SUCO: variants seen among roughly 807,000 people sequenced by gnomAD.
SUCO encodes SUN domain containing ossification factor.
Under a neutral mutation model 148.1 loss-of-function variants are expected in SUCO, and 57 were observed. The observed-to-expected ratio is 0.38, with a 90% CI of 0.31 to 0.48. SUCO has a LOEUF of 0.48. Ranked by LOEUF, SUCO falls within the 20% of genes least tolerant of loss-of-function variation. The pLI, the probability that SUCO is intolerant of heterozygous loss-of-function variation, is 0.96. For synonymous variants in SUCO, 470 were observed against 502.7 expected (o/e 0.93, Z 0.87); for missense variants, 1,331 against 1,468.2 (o/e 0.91, Z 1.53).
chr1:172,575,454 G>T, intron 10 of SUCO, 64 bp from the exon 11 acceptor site: 1 of 1,182,840 alleles, frequency 8.5e-7, no homozygotes, highest in African/African-American at 1.6e-5. Context: ...TTGAAAATAT[G>T]ATAGAACCTT....
At position 172,576,828 on chromosome 1, in the gene SUCO, A is replaced by G. The variant is rs151097380; in HGVS notation, c.1264-711A>G. The G allele has an allele frequency of 5.7e-4, 451 of 785,950 alleles. 3 individuals are homozygous for G. The African/African-American group carries it at 8.2e-3, about 14-fold the overall frequency. 48.7% of individuals were successfully genotyped at this position (785,950 alleles called of 1,614,324 possible). ...AAGAAACATTTACTTACAGCTCATGAAAAGCAGAGAAAAATTACTTTCTGA... is the reference window on the plus strand; with the variant it reads ...AAGAAACATTTACTTACAGCTCATGGAAAGCAGAGAAAAATTACTTTCTGA... On this transcript the variant is annotated intron_variant, in intron 11 of 23. Transcript: ENST00000263688.
In SUCO at chr1:172,582,725, CA is replaced by C. The variant is rs1571253548; in HGVS notation, c.1499-2287del. ...CACAATTCTGCTTTCTCTCAAAAGA[CA>C]AAAAAGATACATTAGGCAGTGTTCT... On this transcript the variant is annotated intron_variant, in intron 15 of 23. Coordinates refer to ENST00000263688, the MANE Select transcript of SUCO (RefSeq NM_014283.5). Among the ~76,000 whole-genome samples, 11 of 151,928 alleles carry C rather than the reference CA, an allele frequency of 7.2e-5. No individual in the cohort carries two copies. In the East Asian group the frequency reaches 2.1e-3, roughly 29 times the overall value.
rs144932088 is a variant in SUCO at position 172,549,850 on chromosome 1, A to G, written c.63-1662A>G. Among the ~76,000 whole-genome samples, 632 of 151,706 alleles carry G rather than the reference A, an allele frequency of 4.2e-3. 4 individuals carry two copies. The highest frequency in any genetic ancestry group is 0.018 in the South Asian group (87 of 4,808). On this transcript the variant is annotated intron_variant, in intron 1 of 23. Transcript: ENST00000263688. ...GATCGTAGGTTGCCACAACAAGAAA[A>G]ACTTGTCACCATACATTCAAGTTGA...
In SUCO at chr1:172,553,285, C is replaced by T; in HGVS notation, c.203C>T (p.Ala68Val). Residue 68 changes from alanine (A) to valine (V), a missense_variant, in exon 3 of 24, where the codon GCC (alanine) becomes GTC (valine). Around this residue, in one of 3 missense-constraint regions of SUCO, gnomAD observed 992 missense variants for 1,093.5 expected, o/e 0.91. Coordinates refer to ENST00000263688, the MANE Select transcript of SUCO (RefSeq NM_014283.5). ...GATGAAAGAGAGGGACCTATCAATG[C>T]CGAATCATTGGGAAAATCAGGTTCA... ...KKDEREGPINAESLGKSGSNL... is the reference protein window; with the variant it reads ...KKDEREGPINVESLGKSGSNL... The T allele has an allele frequency of 1.3e-6, 2 of 1,595,762 alleles. No individual in the cohort carries two copies. The highest frequency in any genetic ancestry group is 1.7e-6 in the Non-Finnish European group (2 of 1,168,158).
chr1:172,567,878 T>C (rs554774314), intron 6 of SUCO, among the ~76,000 whole-genome samples: 13 of 152,360 alleles, frequency 8.5e-5, no homozygotes, highest in African/African-American at 3.1e-4. Flanking sequence ...ATAATTTATG[T>C]CAGCATGCCC....
chr1:172,543,421 T>A (rs1652634568), intron 1 of SUCO, among the ~76,000 whole-genome samples: 1 of 152,214 alleles, frequency 6.6e-6, no homozygotes, highest in African/African-American at 2.4e-5. Context: ...TGAAAATATA[T>A]TATTATCAAG....
chr1:172,548,139 A>G (rs1353580734), intron 1 of SUCO, among the ~76,000 whole-genome samples: 1 of 151,972 alleles, frequency 6.6e-6, no homozygotes, highest in Non-Finnish European at 1.5e-5. Flanking sequence ...TTATCAGTCT[A>G]TTATCAGTTT....
Position 172,585,089 on chromosome 1 carries a change from A to G in SUCO, c.1567+3A>G. 1 of 1,598,776 alleles carries G rather than the reference A, an allele frequency of 6.3e-7. No homozygotes were observed. Among genetic ancestry groups the G allele is most frequent in the Non-Finnish European group, 8.5e-7 (1 of 1,170,526 alleles). Reference sequence around the variant, plus strand: ...AAAAACTGAAGACCTGACAGAAGGTACCTAATCATTTTATGGGTCTTTTAA... The same window carrying G: ...AAAAACTGAAGACCTGACAGAAGGTGCCTAATCATTTTATGGGTCTTTTAA... On this transcript the variant is annotated splice_donor_region_variant and intron_variant, in intron 16 of 23. Coordinates refer to ENST00000263688, the MANE Select transcript of SUCO (RefSeq NM_014283.5).
chr1:172,586,638 C>G (rs1656266753), intron 17 of SUCO, among the ~76,000 whole-genome samples: 1 of 152,080 alleles, frequency 6.6e-6, no homozygotes, highest in African/African-American at 2.4e-5. Flanking sequence ...TAGATACACT[C>G]CCTACAAAAC....
At chr1:172,602,654 T>G (rs778238751) in intron 21 of SUCO, 42 bp from the exon 22 acceptor site, 5 of 1,603,760 alleles carry the variant, frequency 3.1e-6, no homozygotes, top group Non-Finnish European at 3.4e-6. Context: ...TTATATGTGC[T>G]TTACTCGTTG....
intron 9 of SUCO, among the ~76,000 whole-genome samples, chr1:172,571,428 G>A (rs970176491): frequency 3.3e-5 from 5 of 151,996 alleles, no homozygotes; most frequent in Admixed American, 2.6e-4. Context: ...CCTCCCAGCC[G>A]CCTGCCTTGG....
intron 16 of SUCO, 94 bp downstream of exon 16, chr1:172,585,180 G>T: frequency 9.8e-7 from 1 of 1,024,626 alleles, no homozygotes; most frequent in Non-Finnish European, 1.4e-6. Flanking sequence ...AAATTTGATT[G>T]TTTACATTTA....
chr1:172,552,689 A>T (rs74538399), intron 2 of SUCO: 2 of 941,738 alleles, frequency 2.1e-6, no homozygotes, highest in African/African-American at 3.5e-5. Flanking sequence ...CCCACACAGT[A>T]TATAAGATTT....
chr1:172,592,273 T>A (rs1258399326), intron 19 of SUCO, among the ~76,000 whole-genome samples: 1 of 152,244 alleles, frequency 6.6e-6, no homozygotes, highest in Non-Finnish European at 1.5e-5. Context: ...AGAAGCTCTT[T>A]AGTTTAATTA....
chr1:172,573,284 GA>G (rs1314815808), intron 9 of SUCO, among the ~76,000 whole-genome samples: 10 of 152,076 alleles, frequency 6.6e-5, no homozygotes, highest in Non-Finnish European at 2.9e-5. Flanking sequence ...ACAGTCTCTA[GA>G]TTTTTTATGT....
At chr1:172,544,016 C>T (rs915110611) in intron 1 of SUCO, 2 of 190,952 alleles carry the variant, frequency 1.0e-5, no homozygotes, top group Admixed American at 1.3e-4. Flanking sequence ...AGTGTTTGAC[C>T]AAAATGGCTT....
Position 172,566,886 on chromosome 1 carries a change from C to T in SUCO, c.733-2133C>T, listed in dbSNP as rs537488042. ...TGGTTCGGTGTCAGAGCCCTGCCTC[C>T]GGAATCAATTGAGTCCTGTCTCCTT... On this transcript the variant is annotated intron_variant, in intron 6 of 23. Transcript: ENST00000263688. Among the ~76,000 whole-genome samples, 27 of 152,288 alleles carry T rather than the reference C, an allele frequency of 1.8e-4. No individual in the cohort carries two copies. In the South Asian group the frequency reaches 4.4e-3, roughly 25 times the overall value.
intron 13 of SUCO, 71 bp downstream of exon 13, chr1:172,577,890 A>G: frequency 8.4e-7 from 1 of 1,189,968 alleles, no homozygotes; most frequent in East Asian, 2.5e-5. Context: ...ATATATTTAA[A>G]GTGAAGAAAT....
intron 19 of SUCO, among the ~76,000 whole-genome samples, chr1:172,594,225 G>C (rs1167304021): frequency 6.7e-6 from 1 of 149,994 alleles, no homozygotes. Flanking sequence ...CAAAAAACCA[G>C]CTCCTGAATT....
Sources: gnomAD v4.1 joint callset for allele counts (sites outside exome capture counted in the v4.1 genomes callset) on GRCh38, gnomAD v4.1.1 for gene constraint, gnomAD v4.1.1 regional missense constraint, MANE v1.5 for transcripts, NCBI Gene and HGNC (gene_info 2026-07-23, HGNC 2026-07-21) for gene names.